Variants in COPG2 observed in about 807,000 individuals in gnomAD.
The protein encoded by COPG2 is coat protein complex I subunit gamma 2.
In COPG2, 37 loss-of-function variants were observed where a neutral mutation model predicts 46.3. That is an observed-to-expected ratio of 0.80 (90% CI 0.61 to 1.05). The LOEUF (loss-of-function observed/expected upper bound fraction) is 1.05. COPG2 is among the 50% of genes least tolerant of loss of function. The probability of loss-of-function intolerance (pLI) is 0.00; values close to 1 mark genes in which losing one functional copy is unlikely to be tolerated. For missense variants in COPG2, 427 were observed against 387.8 expected (o/e 1.10, Z -0.85); for synonymous variants, 159 against 129.7 (o/e 1.23, Z -1.53).
intron 20 of COPG2, among the ~76,000 whole-genome samples, chr7:130,541,589 A>G (rs897694392): frequency 1.6e-4 from 24 of 152,238 alleles, no homozygotes; most frequent in Admixed American, 6.5e-4. Flanking sequence ...GGTGATAGGA[A>G]CAAGGTAGGA....
chr7:130,513,309 ATATATATATATATAT>A (rs1799633796), intron 20 of COPG2, among the ~76,000 whole-genome samples: 1 of 48,920 alleles, frequency 2.0e-5, no homozygotes, highest in Non-Finnish European at 3.4e-5. Flanking sequence ...AAAAAAAAAA[ATATATATATATATAT>A]ATATATATAT....
chr7:130,547,004 G>T (rs1793454659), intron 20 of COPG2: 1 of 152,140 alleles, frequency 6.6e-6, no homozygotes, highest in Non-Finnish European at 1.5e-5. Flanking sequence ...ATGATGGGGG[G>T]AATCAAGTAG....
intron 9 of COPG2, among the ~76,000 whole-genome samples, chr7:130,590,891 T>C (rs1324820063): frequency 6.7e-6 from 1 of 148,910 alleles, no homozygotes; most frequent in Non-Finnish European, 1.5e-5. Flanking sequence ...GAGGAGACCC[T>C]CTGCCTGGCA....
chr7:130,642,967 T>G (rs10264429), intron 5 of COPG2, among the ~76,000 whole-genome samples: 23,296 of 151,072 alleles, frequency 0.15, 3,398 homozygotes, highest in African/African-American at 0.39. Flanking sequence ...GGGCACACCA[T>G]TCCACTCCAG....
At chr7:130,644,956 G>A (rs1225377135) in intron 5 of COPG2, among the ~76,000 whole-genome samples, 1 of 151,854 alleles carries the variant, frequency 6.6e-6, no homozygotes, top group Non-Finnish European at 1.5e-5. Flanking sequence ...CAGCTACTCA[G>A]GAGGCTGAGG....
chr7:130,588,735 A>G (rs953456071), intron 9 of COPG2, among the ~76,000 whole-genome samples: 1 of 152,168 alleles, frequency 6.6e-6, no homozygotes, highest in Non-Finnish European at 1.5e-5. Context: ...AGCATGGCAC[A>G]TGTATACATA....
chr7:130,600,750 T>C (rs926473528), intron 9 of COPG2, among the ~76,000 whole-genome samples: 4 of 152,206 alleles, frequency 2.6e-5, no homozygotes, highest in Non-Finnish European at 5.9e-5. Context: ...TTCATTTTGT[T>C]TACCCAATCT....
chr7:130,518,813 G>A (rs900179592), intron 20 of COPG2, among the ~76,000 whole-genome samples: 1 of 152,086 alleles, frequency 6.6e-6, no homozygotes, highest in Non-Finnish European at 1.5e-5. Context: ...AGACCAGCCT[G>A]GCCAACATGG....
At position 130,603,746 on chromosome 7, in the gene COPG2, A is replaced by AT. The variant is rs1554450744; in HGVS notation, c.737+7206dup. ...CAAAAAAAAAAAAAAAAAAAAAAAA[A>AT]TTTGCGGCAATTATGAATAACAGTA... On this transcript the variant is annotated intron_variant, in intron 9 of 23. Transcript: ENST00000425248. The AT allele has an allele frequency of 7.4e-4, 280 of 377,326 alleles. 5 individuals carry two copies. Among genetic ancestry groups the AT allele is most frequent in the African/African-American group, 5.6e-3 (247 of 44,118 alleles). 23.4% of individuals were successfully genotyped at this position (377,326 alleles called of 1,614,324 possible).
intron 20 of COPG2, among the ~76,000 whole-genome samples, chr7:130,542,335 C>T (rs1394949256): frequency 2.0e-5 from 3 of 151,364 alleles, no homozygotes; most frequent in African/African-American, 4.9e-5. Flanking sequence ...CATTGAGGAC[C>T]GTGTGTCAAT....
At chr7:130,596,806 G>C (rs1794536584) in intron 9 of COPG2, among the ~76,000 whole-genome samples, 1 of 152,212 alleles carries the variant, frequency 6.6e-6, no homozygotes, top group Non-Finnish European at 1.5e-5. Context: ...GTAAATGCTG[G>C]AACTAGTCCC....
rs781930651 is a variant in COPG2, at chr7:130,666,934, G to GA, written c.91-6dup. The stretch of plus-strand genomic sequence containing the variant: ...AGTTTCATTGAATATACGAGCCTAT[G>GA]AAAAAACATAAAAAACATTGCTACT... On this transcript the variant is annotated splice_polypyrimidine_tract_variant and splice_region_variant and intron_variant, in intron 2 of 23. Coordinates refer to ENST00000425248, the MANE Select transcript of COPG2 (RefSeq NM_012133.6). 1.3e-6 allele frequency: 2 copies of GA among 1,503,220 alleles called. No individual in the cohort carries two copies. The highest frequency in any genetic ancestry group is 1.4e-5 in the African/African-American group (1 of 71,408). The allele number at this position is 1,503,220 out of a possible 1,614,324, so 93.1% of individuals were successfully genotyped here.
chr7:130,625,672 GT>G (rs35495315), intron 5 of COPG2, among the ~76,000 whole-genome samples: 17 of 141,490 alleles, frequency 1.2e-4, no homozygotes, highest in Admixed American at 2.8e-4. Flanking sequence ...TGCTTTCTCC[GT>G]TTTTTTTTTT....
In COPG2 at chr7:130,506,751, A is replaced by G. The variant is rs782782263; in HGVS notation, c.2541T>C (p.Asp847=). ...TGACAGTCACCTGCATGGTCACTCCATCGGCTAAGGCCAGCCTGGACCTCA... is the reference window on the plus strand; with the variant it reads ...TGACAGTCACCTGCATGGTCACTCCGTCGGCTAAGGCCAGCCTGGACCTCA... The part of the protein sequence containing the change: ...LLVRSRLALA[D]GVTMQVTVRS... Residue 847 remains aspartate (D), a synonymous_variant, in exon 24 of 24, where the codon GAT becomes GAC. Coordinates refer to ENST00000425248, the MANE Select transcript of COPG2 (RefSeq NM_012133.6). 9.0e-6 allele frequency: 7 copies of G among 780,500 alleles called. No individual in the cohort carries two copies. The highest frequency in any genetic ancestry group is 1.7e-5 in the African/African-American group (1 of 59,132). 48.3% of individuals were successfully genotyped at this position (780,500 alleles called of 1,614,324 possible). A position where few individuals can be genotyped will look rare whatever the true frequency, so the allele number is the denominator to read the frequency against.
chr7:130,629,928 T>C (rs1051646633), intron 5 of COPG2, among the ~76,000 whole-genome samples: 6 of 151,972 alleles, frequency 3.9e-5, no homozygotes, highest in Non-Finnish European at 8.8e-5. Flanking sequence ...TTTCCTTTTT[T>C]TTTTTTCAGA....
intron 9 of COPG2, among the ~76,000 whole-genome samples, chr7:130,606,738 T>C (rs1584573266): frequency 6.6e-6 from 1 of 152,152 alleles, no homozygotes; most frequent in Admixed American, 6.5e-5. Context: ...AATCTTCCCT[T>C]CCTGACAGCC....
chr7:130,546,805 AT>A (rs1422779588), intron 20 of COPG2: 3 of 152,154 alleles, frequency 2.0e-5, no homozygotes, highest in Non-Finnish European at 4.4e-5. Context: ...TGCTTTTATG[AT>A]TTATTGTAAC....
chr7:130,635,636 A>T (rs1306604201), intron 5 of COPG2, among the ~76,000 whole-genome samples: 1 of 152,020 alleles, frequency 6.6e-6, no homozygotes, highest in South Asian at 2.1e-4. Context: ...CTATTTTGCT[A>T]ATCTTTTCAA....
intron 20 of COPG2, among the ~76,000 whole-genome samples, chr7:130,542,636 A>C (rs1286289746): frequency 2.0e-5 from 3 of 152,140 alleles, no homozygotes; most frequent in Non-Finnish European, 4.4e-5. Context: ...GGAAGATGAC[A>C]GTGGGAGGCA....
Sources: gnomAD v4.1 joint callset for allele counts (sites outside exome capture counted in the v4.1 genomes callset) on GRCh38, gnomAD v4.1.1 for gene constraint, MANE v1.5 for transcripts, NCBI Gene and HGNC (gene_info 2026-07-23, HGNC 2026-07-21) for gene names.